RARB: variants seen among roughly 807,000 people sequenced by gnomAD.
RARB encodes retinoic acid receptor beta.
A neutral mutation model predicts 51.9 loss-of-function variants in RARB; 17 were observed. The ratio of observed to expected loss-of-function variants is 0.33; its 90% confidence interval spans 0.22 to 0.49. RARB has a LOEUF of 0.49. Ranked by LOEUF, RARB falls within the 20% of genes least tolerant of loss-of-function variation. RARB has a pLI of 0.99. For missense variants in RARB, 369 were observed against 550.8 expected (o/e 0.67, Z 3.30); for synonymous variants, 215 against 195.4 (o/e 1.10, Z -0.84).
chr3:25,153,288 C>T (rs753013447), intron 4 of RARB, among the ~76,000 whole-genome samples: 32 of 152,088 alleles, frequency 2.1e-4, no homozygotes, highest in Admixed American at 3.9e-4. Flanking sequence ...GTTTTGTGCA[C>T]GTCATCCGCA....
intron 2 of RARB, among the ~76,000 whole-genome samples, chr3:24,969,734 C>A (rs1400768941): frequency 6.6e-6 from 1 of 152,064 alleles, no homozygotes; most frequent in East Asian, 1.9e-4. Flanking sequence ...CCAATGACTG[C>A]AATGAGGCAG....
chr3:25,365,330 T>A (rs1215277261), intron 5 of RARB, among the ~76,000 whole-genome samples: 1 of 148,060 alleles, frequency 6.8e-6, no homozygotes, highest in African/African-American at 2.5e-5. Flanking sequence ...CAGATTGGAC[T>A]CAAATTCCTG....
At chr3:24,979,176 G>A (rs1192598294) in intron 2 of RARB, among the ~76,000 whole-genome samples, 3 of 152,152 alleles carry the variant, frequency 2.0e-5, no homozygotes, top group East Asian at 3.9e-4. Context: ...TTCCAATTAT[G>A]TAGTCAATTT....
chr3:24,833,308 T>G (rs564654426), intron 1 of RARB: 3 of 152,356 alleles, frequency 2.0e-5, no homozygotes, highest in Non-Finnish European at 4.4e-5. Context: ...GTTTATTATT[T>G]CCCAGCTGGC....
rs1280970932 is a variant in RARB at position 25,129,315 on chromosome 3, A to G, written c.-327-2846A>G. ...CAAAGGTAGATTTTTATTTTTCCAC[A>G]ATATATATTTTAAAGCATCAGTTAC... On this transcript the variant is annotated intron_variant, in intron 3 of 11. Coordinates refer to the RARB transcript ENST00000383772. 3.9e-5 allele frequency among the ~76,000 whole-genome samples: 6 copies of G among 152,172 alleles called. No homozygotes were observed. The East Asian group carries it at 1.2e-3, about 29-fold the overall frequency.
intron 1 of RARB, among the ~76,000 whole-genome samples, chr3:24,840,263 A>C (rs1291530930): frequency 6.6e-6 from 1 of 152,240 alleles, no homozygotes; most frequent in African/African-American, 2.4e-5. Flanking sequence ...GGATTTAAAA[A>C]TAACAGACTT....
upstream of RARB, among the ~76,000 whole-genome samples, chr3:25,424,728 C>T: frequency 6.6e-6 from 1 of 152,152 alleles, no homozygotes; most frequent in East Asian, 1.9e-4. Context: ...TTAGACATCA[C>T]AAGGTATTAG....
At chr3:25,255,830 A>T (rs1383859309) in intron 5 of RARB, among the ~76,000 whole-genome samples, 1 of 152,120 alleles carries the variant, frequency 6.6e-6, no homozygotes, top group Non-Finnish European at 1.5e-5. Context: ...TATACCCTTG[A>T]GTCAAGTGTG....
chr3:25,377,686 A>G (rs56167545), intron 5 of RARB, among the ~76,000 whole-genome samples: 6,213 of 152,246 alleles, frequency 0.041, 140 homozygotes, highest in Middle Eastern at 0.065. Flanking sequence ...CACAATTTCC[A>G]AATTGGGTCA....
chr3:25,320,775 G>A (rs1412852174), intron 5 of RARB, among the ~76,000 whole-genome samples: 1 of 152,108 alleles, frequency 6.6e-6, no homozygotes, highest in Non-Finnish European at 1.5e-5. Context: ...GTTTGTTTTT[G>A]ACCAGAGATA....
intron 5 of RARB, among the ~76,000 whole-genome samples, chr3:25,348,182 C>T (rs1705452345): frequency 6.6e-6 from 1 of 152,152 alleles, no homozygotes; most frequent in African/African-American, 2.4e-5. Context: ...ACATTTTTGA[C>T]AAATTTAGGT....
chr3:24,953,566 A>G (rs553574001), intron 2 of RARB, among the ~76,000 whole-genome samples: 20 of 152,302 alleles, frequency 1.3e-4, no homozygotes, highest in African/African-American at 3.4e-4. Flanking sequence ...CAAAACACCT[A>G]CCTGCAATGG....
intron 2 of RARB, among the ~76,000 whole-genome samples, chr3:25,495,465 G>C (rs1696976399): frequency 6.6e-6 from 1 of 152,176 alleles, no homozygotes; most frequent in Admixed American, 6.5e-5. Context: ...TAGATAATAG[G>C]AATGATTGGA....
chr3:25,381,395 G>A (rs34075235), intron 5 of RARB, among the ~76,000 whole-genome samples: 18,953 of 152,180 alleles, frequency 0.12, 1,485 homozygotes, highest in South Asian at 0.2. Flanking sequence ...CAACCCTAGT[G>A]CACACTTTAG....
intron 2 of RARB, among the ~76,000 whole-genome samples, chr3:25,035,308 G>C (rs1209687642): frequency 6.6e-6 from 1 of 151,774 alleles, no homozygotes; most frequent in Non-Finnish European, 1.5e-5. Context: ...TTTCTATAGA[G>C]ACAGGGTTTC....
intron 2 of RARB, among the ~76,000 whole-genome samples, chr3:24,915,677 G>A (rs1695093117): frequency 6.6e-6 from 1 of 152,130 alleles, no homozygotes. Context: ...CAGCGTTGTG[G>A]GTGTTGTATG....
chr3:24,980,990 C>T (rs940351324), intron 2 of RARB, among the ~76,000 whole-genome samples: 2 of 151,204 alleles, frequency 1.3e-5, no homozygotes, highest in Admixed American at 6.6e-5. Flanking sequence ...CTATTCCTTT[C>T]GTTTTGTTAG....
intron 3 of RARB, among the ~76,000 whole-genome samples, chr3:25,514,890 A>T (rs914033504): frequency 6.6e-6 from 1 of 152,222 alleles, no homozygotes; most frequent in Non-Finnish European, 1.5e-5. Context: ...AAGTGTCCAG[A>T]CACAATGTTT....
intron 5 of RARB, among the ~76,000 whole-genome samples, chr3:25,304,658 G>C (rs115206402): frequency 1.0e-3 from 154 of 152,276 alleles, no homozygotes; most frequent in African/African-American, 3.5e-3. Context: ...TACCGCGCTA[G>C]TCCACGTACC....
Sources: gnomAD v4.1 joint callset for allele counts (sites outside exome capture counted in the v4.1 genomes callset) on GRCh38, gnomAD v4.1.1 for gene constraint, MANE v1.5 for transcripts, NCBI Gene and HGNC (gene_info 2026-07-23, HGNC 2026-07-21) for gene names.